PAPLN: variants seen among roughly 807,000 people sequenced by gnomAD.
PAPLN encodes the protein papilin, proteoglycan like sulfated glycoprotein, also known as papilin.
A neutral mutation model predicts 159.0 loss-of-function variants in PAPLN; 146 were observed. The ratio of observed to expected loss-of-function variants is 0.92; its 90% CI spans 0.80 to 1.05. The LOEUF (loss-of-function observed/expected upper bound fraction) is 1.05. Among genes scored for constraint, PAPLN ranks in the 50% least tolerant of loss-of-function variants. The pLI is 0.00. For synonymous variants in PAPLN, 734 were observed against 702.9 expected, an observed-to-expected ratio of 1.04 and a Z score of -0.70; for missense variants, 1,720 against 1,743.9, an observed-to-expected ratio of 0.99 and a Z score of 0.24.
At chr14:73,260,908 G>GC (rs1886508146) in intron 17 of PAPLN, 79 bp downstream of exon 17, 4 of 1,485,460 alleles carry the variant, frequency 2.7e-6, no homozygotes, top group Admixed American at 2.4e-5. Flanking sequence ...CAGGATCTTT[G>GC]CCGCTTTGGC....
In PAPLN at chr14:73,245,500, T is replaced by G; in HGVS notation, c.171-136T>G. On this transcript the variant is annotated intron_variant, in intron 3 of 26. Coordinates refer to ENST00000644200, the MANE Select transcript of PAPLN (RefSeq NM_001365906.3). The surrounding 1 kb of genome is among the most constrained non-coding windows in gnomAD (Gnocchi z 4.2). ...ACTCCCACCTGGGGGATTTACGGGG[T>G]GGGGTCGGGGGACACCCTCTCACCT... 2 of 916,472 alleles carry G rather than the reference T, an allele frequency of 2.2e-6. No homozygotes were observed. Among genetic ancestry groups the G allele is most frequent in the South Asian group, 1.7e-5 (1 of 59,300 alleles). 56.8% of individuals were successfully genotyped at this position (916,472 alleles called of 1,614,324 possible).
intron 2 of PAPLN, among the ~76,000 whole-genome samples, chr14:73,241,296 C>T (rs1306461675): frequency 6.6e-6 from 1 of 152,208 alleles, no homozygotes; most frequent in African/African-American, 2.4e-5. Context: ...ACTCTCAGGT[C>T]CTTCACCACG....
At chr14:73,254,803 T>C (rs1386652553) in intron 13 of PAPLN, 74 bp from the exon 14 acceptor site, 1 of 1,594,336 alleles carries the variant, frequency 6.3e-7, no homozygotes, top group Non-Finnish European at 8.5e-7. Flanking sequence ...CACCTTCCCC[T>C]GCCTCTCTCC....
chr14:73,260,355 C>T (rs1423332333), intron 16 of PAPLN, among the ~76,000 whole-genome samples: 1 of 152,176 alleles, frequency 6.6e-6, no homozygotes, highest in East Asian at 1.9e-4. Context: ...GCCCTGTCTC[C>T]CATCTGCTGC....
intron 2 of PAPLN, among the ~76,000 whole-genome samples, chr14:73,240,768 G>A (rs1364876369): frequency 1.3e-5 from 2 of 152,204 alleles, no homozygotes; most frequent in East Asian, 1.9e-4. Context: ...TCTTGAGGAT[G>A]TACAAGGAAT....
At chr14:73,239,949 G>A in intron 2 of PAPLN, 117 bp downstream of exon 2, 1 of 1,438,150 alleles carries the variant, frequency 7.0e-7, no homozygotes, top group South Asian at 1.4e-5. Context: ...AGCTGGGCTG[G>A]GAGGAGGCGA....
Position 73,274,262 on chromosome 14 carries a change from T to C in PAPLN, c.*1598T>C, listed in dbSNP as rs946071010. 27 of 152,370 alleles carry C rather than the reference T, an allele frequency of 1.8e-4. No individual in the cohort carries two copies. The highest frequency in any genetic ancestry group is 2.0e-4 in the Admixed American group (3 of 15,306). The allele number at this position is 152,370 out of a possible 1,614,324, so 9.4% of individuals were successfully genotyped here. ...TCTCTCAGGACTTCTAATTCCTTGA[T>C]GCTAAAAGAAGAGGCATGGATTCTA... On this transcript the variant is annotated 3_prime_UTR_variant, in exon 27 of 27. Transcript: ENST00000644200.
intron 26 of PAPLN, among the ~76,000 whole-genome samples, chr14:73,271,786 C>T (rs929817216): frequency 6.6e-6 from 1 of 152,194 alleles, no homozygotes; most frequent in Non-Finnish European, 1.5e-5. Context: ...AGGCATGAGC[C>T]ACCACACCCA....
At chr14:73,253,300 C>A in intron 11 of PAPLN, 1 of 1,283,162 alleles carries the variant, frequency 7.8e-7, no homozygotes, top group Non-Finnish European at 1.0e-6. Flanking sequence ...GGCAGCGGGC[C>A]TCCTGGGATG....
rs756056422 is a variant in PAPLN, at chr14:73,262,374, C to T, written c.2270C>T (p.Pro757Leu). 1.9e-6 allele frequency: 3 copies of T among 1,613,500 alleles called. No individual in the cohort carries two copies. Among genetic ancestry groups the T allele is most frequent in the Non-Finnish European group, 1.7e-6 (2 of 1,179,702 alleles). The stretch of plus-strand genomic sequence containing the variant: ...GCCTACCCCGTGCGGTGCCTGCTGC[C>T]CAGTGCCCATGGCTCTTGCGCAGAC... ...SHAYPVRCLL[P>L]SAHGSCADWA... Residue 757 changes from proline to leucine, a missense_variant, in exon 19 of 27, where the codon CCC becomes CTC. Coordinates refer to ENST00000644200, the MANE Select transcript of PAPLN (RefSeq NM_001365906.3).
Position 73,260,782 on chromosome 14 carries a change from G to A in PAPLN, c.2059G>A (p.Gly687Ser), listed in dbSNP as rs1194863652. The change falls in exon 17 of 27, where the codon GGT (glycine) becomes AGT (serine). Residue 687 changes from glycine to serine, a missense_variant. Gly to Ser is a moderately conservative substitution (Grantham distance 56). Transcript: ENST00000644200. Reference sequence around the variant, plus strand: ...CGCTGGCTGCACAAAGTCGTATGGTGGTGACAGCACCGGGGGCATGCCCAG... The same window carrying A: ...CGCTGGCTGCACAAAGTCGTATGGTAGTGACAGCACCGGGGGCATGCCCAG... Reference protein sequence around the residue: ...HHAGCTKSYGGDSTGGMPRSR... With the variant: ...HHAGCTKSYGSDSTGGMPRSR... 2.0e-6 allele frequency: 3 copies of A among 1,493,278 alleles called. No individual in the cohort carries two copies. The highest frequency in any genetic ancestry group is 2.7e-6 in the Non-Finnish European group (3 of 1,124,164). 92.5% of individuals were successfully genotyped at this position (1,493,278 alleles called of 1,614,324 possible).
chr14:73,266,672 G>T (rs1162192462), intron 24 of PAPLN, 44 bp downstream of exon 24: 8 of 1,614,026 alleles, frequency 5.0e-6, no homozygotes, highest in Non-Finnish European at 6.8e-6. Flanking sequence ...AGGTGGCATG[G>T]GTAGGGCAGG....
At chr14:73,248,706 C>T (rs560766490) in intron 5 of PAPLN, among the ~76,000 whole-genome samples, 1 of 152,218 alleles carries the variant, frequency 6.6e-6, no homozygotes, top group African/African-American at 2.4e-5. Context: ...CATGTAGTCC[C>T]AGCTATTCGA....
rs752392296 is a variant in PAPLN at position 73,268,633 on chromosome 14, C to T, written c.3577C>T (p.Arg1193Trp). 2.2e-5 allele frequency: 36 copies of T among 1,613,836 alleles called. 1 individual carries two copies. The highest frequency in any genetic ancestry group is 1.1e-4 in the South Asian group (10 of 91,066). Residue 1193 changes from arginine (R) to tryptophan (W), a missense_variant, in exon 26 of 27, where the codon CGG (arginine) becomes TGG (tryptophan). Arg to Trp is a moderately radical substitution (Grantham distance 101). Coordinates refer to ENST00000644200, the MANE Select transcript of PAPLN (RefSeq NM_001365906.3). ...PDGTLLIYNL[R>W]ARDEGSYTCS... ...TGGCACGCTGCTCATTTACAACTTG[C>T]GGGCCAGGGATGAGGGCTCCTACAC...
rs374730128 is a variant in PAPLN at position 73,257,417 on chromosome 14, G to GC, written c.1628-1562_1628-1561insC. Reference sequence around the variant, plus strand: ...CACTATGGGCATTATTTCAGGGGGGGTCCTACAGGTTTTCTCTTATGTAGC... The same window carrying GC: ...CACTATGGGCATTATTTCAGGGGGGGCTCCTACAGGTTTTCTCTTATGTAGC... On this transcript the variant is annotated intron_variant, in intron 14 of 26. Coordinates refer to ENST00000644200, the MANE Select transcript of PAPLN (RefSeq NM_001365906.3). Among the ~76,000 whole-genome samples, 436 of 150,906 alleles carry GC rather than the reference G, an allele frequency of 2.9e-3. 1 individual carries two copies. Among genetic ancestry groups the GC allele is most frequent in the African/African-American group, 1.0e-2 (409 of 41,008 alleles).
In PAPLN at chr14:73,259,254, G is replaced by T; in HGVS notation, c.1709-15G>T. On this transcript the variant is annotated splice_polypyrimidine_tract_variant and intron_variant, in intron 15 of 26. Coordinates refer to ENST00000644200, the MANE Select transcript of PAPLN (RefSeq NM_001365906.3). ...CAGGTGGACGCACTGTGTGTCTTTT[G>T]CTTCTTCTTTCTAGACTCCAGAGGC... 6.5e-7 allele frequency: 1 copy of T among 1,539,576 alleles called. No homozygotes were observed. Among genetic ancestry groups the T allele is most frequent in the South Asian group, 1.3e-5 (1 of 79,632 alleles).
intron 26 of PAPLN, among the ~76,000 whole-genome samples, chr14:73,271,604 C>T (rs761832651): frequency 6.6e-6 from 1 of 151,768 alleles, no homozygotes; most frequent in Non-Finnish European, 1.5e-5. Context: ...TGGGTTCAAG[C>T]GATTCTTCTG....
chr14:73,269,184 C>T (rs1473312501), intron 26 of PAPLN, among the ~76,000 whole-genome samples: 6 of 152,188 alleles, frequency 3.9e-5, no homozygotes. Flanking sequence ...GGATTATCAT[C>T]ACCATTTTAC....
Position 73,239,826 on chromosome 14 carries a change from G to T in PAPLN, c.48G>T (p.Gly16=). 6.3e-7 allele frequency: 1 copy of T among 1,590,378 alleles called. No homozygotes were observed. The highest frequency in any genetic ancestry group is 8.5e-7 in the Non-Finnish European group (1 of 1,174,284). Residue 16 remains glycine (G), a synonymous_variant, in exon 2 of 27, where the codon GGG becomes GGT. Coordinates refer to ENST00000644200, the MANE Select transcript of PAPLN (RefSeq NM_001365906.3). ...LVPLLLAPAP[G]SSAPKVRRQS... Reference sequence around the variant, plus strand: ...CGCTGCTGCTGGCTCCAGCGCCCGGGTCCTCGGTGAGTGCGGTCCTGCCCC... The same window carrying T: ...CGCTGCTGCTGGCTCCAGCGCCCGGTTCCTCGGTGAGTGCGGTCCTGCCCC...
Sources: gnomAD v4.1 joint callset for allele counts (sites outside exome capture counted in the v4.1 genomes callset) on GRCh38, gnomAD v4.1.1 for gene constraint, Gnocchi (gnomAD v3.1) non-coding constraint, MANE v1.5 for transcripts, NCBI Gene and HGNC (gene_info 2026-07-23, HGNC 2026-07-21) for gene names.